The following KLF8 variants were observed in gnomAD, a reference collection of about 807,000 sequenced individuals.
KLF8 encodes KLF transcription factor 8.
Under a neutral mutation model 18.2 loss-of-function variants are expected in KLF8, and 10 were observed. The ratio of observed to expected loss-of-function variants is 0.55; its 90% CI spans 0.34 to 0.93. KLF8 has a LOEUF of 0.93. KLF8 is among the 40% of genes least tolerant of loss of function. The pLI is 0.02. For missense variants in KLF8, 264 were observed against 277.9 expected, an observed-to-expected ratio of 0.95 and a Z score of 0.36; for synonymous variants, 109 against 97.3, an observed-to-expected ratio of 1.12 and a Z score of -0.71.
intron 5 of KLF8, among the ~76,000 whole-genome samples, chrX:56,283,405 G>T (rs1198049696): frequency 9.0e-6 from 1 of 110,962 alleles, no homozygotes; most frequent in Admixed American, 9.6e-5. Flanking sequence ...GACAGGTCTC[G>T]CTCTCTCCTA....
At chrX:56,269,061 G>A (rs1168230854) in intron 3 of KLF8, 1 of 892,062 alleles carries the variant, frequency 1.1e-6, no homozygotes, top group Non-Finnish European at 1.4e-6. Flanking sequence ...CCCTGTCCTG[G>A]TAGCTGGAGA....
the KLF8 span, among the ~76,000 whole-genome samples, chrX:55,938,434 A>C: frequency 2.7e-5 from 3 of 111,975 alleles, no homozygotes. Flanking sequence ...CAAATTGTAA[A>C]GACCATCAAG....
the KLF8 span, among the ~76,000 whole-genome samples, chrX:56,154,908 C>T: frequency 1.4e-4 from 16 of 111,959 alleles, no homozygotes; most frequent in Non-Finnish European, 2.6e-4. Flanking sequence ...CAATGAGATA[C>T]CATCTCACAC....
chrX:55,995,547 C>T, the KLF8 span, among the ~76,000 whole-genome samples: 1 of 112,160 alleles, frequency 8.9e-6, no homozygotes, highest in Non-Finnish European at 1.9e-5. Context: ...TTAGCACTTC[C>T]TAATGGACCT....
chrX:56,018,670 A>T, the KLF8 span, among the ~76,000 whole-genome samples: 1 of 110,816 alleles, frequency 9.0e-6, no homozygotes, highest in Non-Finnish European at 1.9e-5. Context: ...ATATATGCTA[A>T]TTTGCTATAC....
At chrX:56,187,022 A>G in the KLF8 span, among the ~76,000 whole-genome samples, 2 of 111,728 alleles carry the variant, frequency 1.8e-5, no homozygotes, top group African/African-American at 3.3e-5. Context: ...AAATAACTAA[A>G]ATCACAGCAG....
chrX:56,138,453 A>G, the KLF8 span, among the ~76,000 whole-genome samples: 1 of 111,809 alleles, frequency 8.9e-6, no homozygotes, highest in Non-Finnish European at 1.9e-5. Context: ...CAGCTACATC[A>G]CAAAGCTCAT....
the KLF8 span, among the ~76,000 whole-genome samples, chrX:56,005,533 G>A: frequency 1.8e-5 from 2 of 111,941 alleles, no homozygotes; most frequent in South Asian, 7.5e-4. Flanking sequence ...AGCACAGGGG[G>A]TGGGGTGGGG....
At chrX:56,049,947 C>T in the KLF8 span, among the ~76,000 whole-genome samples, 2 of 110,163 alleles carry the variant, frequency 1.8e-5, no homozygotes, top group South Asian at 7.9e-4. Context: ...ATTTCAGCTC[C>T]TGTTATTGGT....
chrX:56,123,862 G>T, the KLF8 span, among the ~76,000 whole-genome samples: 72 of 111,822 alleles, frequency 6.4e-4, no homozygotes, highest in Non-Finnish European at 9.0e-4. Context: ...TATGTGACAG[G>T]CACTGGTCCA....
chrX:56,155,356 G>GA, the KLF8 span, among the ~76,000 whole-genome samples: 1 of 110,917 alleles, frequency 9.0e-6, no homozygotes, highest in African/African-American at 3.3e-5. Context: ...ATCGCAAGGA[G>GA]AAAAAACCAA....
intron 1 of KLF8, among the ~76,000 whole-genome samples, chrX:56,234,418 A>G (rs967608635): frequency 8.9e-6 from 1 of 111,857 alleles, no homozygotes; most frequent in Admixed American, 9.5e-5. Context: ...TATGTGGCAG[A>G]GGCTGCCACT....
the KLF8 span, among the ~76,000 whole-genome samples, chrX:56,044,953 T>G: frequency 8.9e-6 from 1 of 112,504 alleles, no homozygotes; most frequent in African/African-American, 3.2e-5. Context: ...TGCTTTTGGG[T>G]TCTTGGTCAT....
the KLF8 span, among the ~76,000 whole-genome samples, chrX:56,063,545 A>G: frequency 9.0e-6 from 1 of 111,628 alleles, no homozygotes; most frequent in African/African-American, 3.3e-5. Context: ...GCTTTGTCCC[A>G]GAGGGGCACC....
chrX:56,280,309 C>T (rs2067183639), intron 5 of KLF8, among the ~76,000 whole-genome samples: 1 of 111,802 alleles, frequency 8.9e-6, no homozygotes, highest in African/African-American at 3.3e-5. Context: ...TCTCGACTCA[C>T]TGCAGCCTTG....
At chrX:56,089,507 T>C in the KLF8 span, among the ~76,000 whole-genome samples, 1 of 112,096 alleles carries the variant, frequency 8.9e-6, no homozygotes, top group African/African-American at 3.2e-5. Context: ...CCAGTTGGCT[T>C]GTACAGAGAT....
chrX:56,136,564 A>C, the KLF8 span, among the ~76,000 whole-genome samples: 1 of 111,849 alleles, frequency 8.9e-6, no homozygotes, highest in African/African-American at 3.2e-5. Context: ...TAGGAAGCTG[A>C]AACTGGATCC....
At chrX:55,999,285 A>ATTTTTTTTTTTTTTTTTTTTTTTTTTTT in the KLF8 span, among the ~76,000 whole-genome samples, 30 of 33,512 alleles carry the variant, frequency 9.0e-4, 3 homozygotes, top group Admixed American at 1.2e-3. Flanking sequence ...ATGCCTCCAG[A>ATTTTTTTTTTTTTTTTTTTTTTTTTTTT]TTTTTTTTTT....
At chrX:55,964,194 C>T in the KLF8 span, among the ~76,000 whole-genome samples, 8 of 111,612 alleles carry the variant, frequency 7.2e-5, no homozygotes, top group Non-Finnish European at 1.5e-4. Context: ...AACCTACCAT[C>T]ACACCTAGAG....
Sources: allele counts gnomAD v4.1 joint callset (sites outside exome capture counted in the v4.1 genomes callset), GRCh38; gene constraint gnomAD v4.1.1; transcripts MANE v1.5; gene names NCBI Gene and HGNC (gene_info 2026-07-23, HGNC 2026-07-21).